ST6GALNAC5: variants seen among roughly 807,000 people sequenced by gnomAD.
ST6GALNAC5 encodes the protein ST6 N-acetylgalactosaminide alpha-2,6-sialyltransferase 5.
In ST6GALNAC5, 27 loss-of-function variants were observed where a neutral mutation model predicts 33.6. The ratio of observed to expected loss-of-function variants is 0.80; its 90% CI spans 0.59 to 1.11. ST6GALNAC5 has a LOEUF of 1.11. Ranked by LOEUF, ST6GALNAC5 falls within the 50% of genes least tolerant of loss-of-function variation. The pLI, the probability that ST6GALNAC5 is intolerant of heterozygous loss-of-function variation, is 0.00. For missense variants in ST6GALNAC5, 428 were observed against 454.0 expected, an observed-to-expected ratio of 0.94 and a Z score of 0.52; for synonymous variants, 194 against 171.2, an observed-to-expected ratio of 1.13 and a Z score of -1.04.
At chr1:77,027,444 C>G (rs1570112638) in intron 2 of ST6GALNAC5, among the ~76,000 whole-genome samples, 1 of 152,230 alleles carries the variant, frequency 6.6e-6, no homozygotes, top group Middle Eastern at 3.4e-3. Context: ...AGACAACATC[C>G]CAAGGCAAGG....
intron 2 of ST6GALNAC5, among the ~76,000 whole-genome samples, chr1:76,891,568 C>G (rs902602634): frequency 2.0e-5 from 3 of 152,072 alleles, no homozygotes; most frequent in African/African-American, 7.2e-5. Flanking sequence ...TTCTTTGAAG[C>G]ACAGAAGTTT....
At chr1:76,927,743 C>T (rs947983210) in intron 2 of ST6GALNAC5, among the ~76,000 whole-genome samples, 3 of 151,910 alleles carry the variant, frequency 2.0e-5, no homozygotes, top group Non-Finnish European at 2.9e-5. Flanking sequence ...CCCCAGTGAC[C>T]TCTATTGCAT....
intron 2 of ST6GALNAC5, among the ~76,000 whole-genome samples, chr1:76,916,014 A>T (rs1041331277): frequency 1.8e-4 from 22 of 120,158 alleles, no homozygotes; most frequent in East Asian, 9.9e-4. Flanking sequence ...TCTGCATTTT[A>T]AAAAAAAAAA....
At chr1:76,926,589 T>G (rs1647087556) in intron 2 of ST6GALNAC5, among the ~76,000 whole-genome samples, 1 of 152,216 alleles carries the variant, frequency 6.6e-6, no homozygotes, top group Non-Finnish European at 1.5e-5. Flanking sequence ...ATCCTTCATT[T>G]ATGAGTATGT....
chr1:76,963,755 G>A (rs1436535619), intron 2 of ST6GALNAC5, among the ~76,000 whole-genome samples: 1 of 152,138 alleles, frequency 6.6e-6, no homozygotes, highest in Non-Finnish European at 1.5e-5. Flanking sequence ...CTTTAAATGT[G>A]TTACCTTACC....
At chr1:76,867,760 C>A in intron 1 of ST6GALNAC5, 70 bp downstream of exon 1, 2 of 1,611,118 alleles carry the variant, frequency 1.2e-6, no homozygotes, top group Non-Finnish European at 8.5e-7. Context: ...CGGGACGCAC[C>A]GTGGAGACTC....
intron 2 of ST6GALNAC5, among the ~76,000 whole-genome samples, chr1:76,901,771 C>A (rs147924542): frequency 0.013 from 2,021 of 152,126 alleles, 45 homozygotes; most frequent in African/African-American, 0.046. Flanking sequence ...CCCAAAATAT[C>A]TTTATTGATT....
intron 2 of ST6GALNAC5, among the ~76,000 whole-genome samples, chr1:77,008,307 A>G (rs1650504247): frequency 6.6e-6 from 1 of 152,200 alleles, no homozygotes; most frequent in East Asian, 1.9e-4. Flanking sequence ...AGCATGTAGT[A>G]GTATTCAAAT....
At chr1:76,876,896 G>C (rs1257602650) in intron 2 of ST6GALNAC5, among the ~76,000 whole-genome samples, 2 of 152,324 alleles carry the variant, frequency 1.3e-5, no homozygotes, top group African/African-American at 4.8e-5. Flanking sequence ...GCTGGGCTGA[G>C]GGAGAGAAGG....
intron 2 of ST6GALNAC5, among the ~76,000 whole-genome samples, chr1:76,979,709 C>T (rs1024332485): frequency 6.6e-6 from 1 of 152,138 alleles, no homozygotes; most frequent in Non-Finnish European, 1.5e-5. Flanking sequence ...GGCAGATCAC[C>T]TGAGATCAAG....
intron 2 of ST6GALNAC5, among the ~76,000 whole-genome samples, chr1:77,002,457 AT>A (rs1394463606): frequency 6.6e-6 from 1 of 151,974 alleles, no homozygotes; most frequent in Non-Finnish European, 1.5e-5. Flanking sequence ...GGATTCATTA[AT>A]TTTTTGAACG....
At chr1:77,016,003 T>C (rs1650816878) in intron 2 of ST6GALNAC5, among the ~76,000 whole-genome samples, 1 of 151,776 alleles carries the variant, frequency 6.6e-6, no homozygotes, top group Admixed American at 6.6e-5. Flanking sequence ...GTTTCAGCTC[T>C]AGCCAAATTC....
intron 2 of ST6GALNAC5, among the ~76,000 whole-genome samples, chr1:76,962,803 A>G (rs1648294026): frequency 6.6e-6 from 1 of 152,220 alleles, no homozygotes; most frequent in African/African-American, 2.4e-5. Flanking sequence ...AGATTTTTTC[A>G]TAATCTGAAA....
intron 4 of ST6GALNAC5, among the ~76,000 whole-genome samples, chr1:77,058,812 T>C (rs1652482170): frequency 6.6e-6 from 1 of 152,046 alleles, no homozygotes; most frequent in East Asian, 1.9e-4. Flanking sequence ...ATAAGTCAGG[T>C]TGTGTGCTGA....
At chr1:77,057,857 T>A (rs554008900) in intron 4 of ST6GALNAC5, among the ~76,000 whole-genome samples, 1 of 152,112 alleles carries the variant, frequency 6.6e-6, no homozygotes, top group South Asian at 2.1e-4. Flanking sequence ...GGTTATGAGG[T>A]TTTTTTCAGT....
At chr1:76,917,836 T>G (rs1358520640) in intron 2 of ST6GALNAC5, among the ~76,000 whole-genome samples, 1 of 152,006 alleles carries the variant, frequency 6.6e-6, no homozygotes, top group Admixed American at 6.6e-5. Context: ...GTTTTTCAGT[T>G]TGAGTCCAAA....
rs965918925 is a variant in ST6GALNAC5, at chr1:77,013,039, G to A, written c.262-31165G>A. On this transcript the variant is annotated intron_variant, in intron 2 of 4. Transcript: ENST00000477717. ...GTCACAAAGTAGTTGCAGTTACCCA[G>A]GCTGATATGCAAAGACCTCCCTGGC... Among the ~76,000 whole-genome samples, 7 of 152,300 alleles carry A rather than the reference G, an allele frequency of 4.6e-5. No individual in the cohort carries two copies. The East Asian group carries it at 5.8e-4, about 13-fold the overall frequency.
intron 2 of ST6GALNAC5, among the ~76,000 whole-genome samples, chr1:77,036,366 C>T (rs1651645931): frequency 1.3e-5 from 2 of 151,956 alleles, no homozygotes; most frequent in African/African-American, 4.8e-5. Flanking sequence ...TCTAAATATA[C>T]AAAAAAATTA....
At chr1:76,913,070 C>T (rs189111381) in intron 2 of ST6GALNAC5, among the ~76,000 whole-genome samples, 368 of 152,260 alleles carry the variant, frequency 2.4e-3, no homozygotes, top group Non-Finnish European at 3.9e-3. Flanking sequence ...TTGTTCCTTT[C>T]CATGTTTAGT....
Sources: gnomAD v4.1 joint callset for allele counts (sites outside exome capture counted in the v4.1 genomes callset) on GRCh38, gnomAD v4.1.1 for gene constraint, MANE v1.5 for transcripts, NCBI Gene and HGNC (gene_info 2026-07-23, HGNC 2026-07-21) for gene names.